Variants in EBPL observed in about 807,000 individuals in gnomAD.
EBPL encodes the protein EBP like, also known as emopamil-binding protein-like.
A neutral mutation model predicts 19.0 loss-of-function variants in EBPL; 20 were observed. That is an observed-to-expected ratio of 1.05 (90% CI 0.74 to 1.53). EBPL has a LOEUF of 1.53. Among genes scored for constraint, EBPL ranks in the 40% most tolerant of loss-of-function variants. The pLI is 0.00. For missense variants in EBPL, 219 were observed against 261.1 expected (o/e 0.84, Z 1.11); for synonymous variants, 107 against 117.0 (o/e 0.91, Z 0.55).
intron 1 of EBPL, among the ~76,000 whole-genome samples, chr13:49,680,926 T>C (rs1953936147): frequency 6.6e-6 from 1 of 152,164 alleles, no homozygotes; most frequent in Non-Finnish European, 1.5e-5. Context: ...AAAGCCTCTC[T>C]CCCTCCTGAC....
At chr13:49,680,803 AGAGC>A (rs1953934186) in intron 1 of EBPL, among the ~76,000 whole-genome samples, 1 of 151,292 alleles carries the variant, frequency 6.6e-6, no homozygotes, top group Non-Finnish European at 1.5e-5. Context: ...GCCTGGTGAC[AGAGC>A]GAGATTCCGT....
At chr13:49,662,316 C>T (rs1212615188) in intron 3 of EBPL, among the ~76,000 whole-genome samples, 1 of 152,152 alleles carries the variant, frequency 6.6e-6, no homozygotes, top group Non-Finnish European at 1.5e-5. Flanking sequence ...CCGCCTGCCC[C>T]ATATCCTTCA....
chr13:49,669,989 A>G (rs1206746141), intron 1 of EBPL, 143 bp from the exon 2 acceptor site: 13 of 656,304 alleles, frequency 2.0e-5, no homozygotes, highest in Non-Finnish European at 3.5e-5. Context: ...CATCCATACA[A>G]CCTTGTGGGA....
chr13:49,669,842 C>A lies in EBPL; in HGVS notation c.176G>T (p.Gly59Val). The change falls in exon 2 of 4, where the codon GGC becomes GTC. Residue 59 changes from glycine to valine, a missense_variant. Physicochemically the swap from Gly to Val is moderately radical, Grantham distance 109. Transcript: ENST00000242827. ...TACTAAAGACAAGTAGACAAAAGGG[C>A]CTTCCTAGAGAGGAGAAAATGAAGA... ...YDALVHFALE[G>V]PFVYLSLVGN... 6.2e-7 allele frequency: 1 copy of A among 1,613,222 alleles called. No individual in the cohort carries two copies. The highest frequency in any genetic ancestry group is 1.1e-5 in the South Asian group (1 of 91,062).
chr13:49,678,519 G>A (rs183603384), intron 1 of EBPL, among the ~76,000 whole-genome samples: 187 of 152,338 alleles, frequency 1.2e-3, no homozygotes, highest in Middle Eastern at 3.4e-3. Context: ...CAGTGATGGG[G>A]AACCCAGCTC....
chr13:49,681,937 A>C (rs1953947306), intron 1 of EBPL, among the ~76,000 whole-genome samples: 1 of 152,210 alleles, frequency 6.6e-6, no homozygotes, highest in Non-Finnish European at 1.5e-5. Flanking sequence ...TCCTGTCAAC[A>C]TTTATTAGCA....
At chr13:49,691,127 C>G (rs903371388) in intron 1 of EBPL, 127 bp downstream of exon 1, 1 of 915,030 alleles carries the variant, frequency 1.1e-6, no homozygotes, top group African/African-American at 1.7e-5. Context: ...AGCTAACAGA[C>G]TTCCTGCAGC....
chr13:49,660,833 T>C lies in EBPL; in HGVS notation c.*135A>G, dbSNP rs997808228. On this transcript the variant is annotated 3_prime_UTR_variant, in exon 4 of 4. Transcript: ENST00000242827. Reference sequence around the variant, plus strand: ...CGAAAACTGGTCGCCTTAAAACCAATTTGAAACAGGTTGTTCAGGAGCAAC... The same window carrying C: ...CGAAAACTGGTCGCCTTAAAACCAACTTGAAACAGGTTGTTCAGGAGCAAC... 1 of 778,476 alleles carries C rather than the reference T, an allele frequency of 1.3e-6. No homozygotes were observed. Among genetic ancestry groups the C allele is most frequent in the East Asian group, 2.6e-5 (1 of 38,332 alleles). 48.2% of individuals were successfully genotyped at this position (778,476 alleles called of 1,614,324 possible).
chr13:49,687,840 G>A lies in EBPL; in HGVS notation c.171+3414C>T, dbSNP rs376541828. Among the ~76,000 whole-genome samples, 6 of 152,256 alleles carry A rather than the reference G, an allele frequency of 3.9e-5. No homozygotes were observed. The East Asian group carries it at 7.7e-4, about 20-fold the overall frequency. ...TAACTTCTAAGTTGGGTAAAATCTCGGACGCTAGAGTTTCTGACTTAACAC... is the reference window on the plus strand; with the variant it reads ...TAACTTCTAAGTTGGGTAAAATCTCAGACGCTAGAGTTTCTGACTTAACAC... On this transcript the variant is annotated intron_variant, in intron 1 of 3. Coordinates refer to ENST00000242827, the MANE Select transcript of EBPL (RefSeq NM_032565.5).
chr13:49,691,318 T>G lies in EBPL; in HGVS notation c.107A>C (p.Gln36Pro). ...CALGLRLGRG[Q>P]GAADRGALIW... ...GAGCGCCCCGCGGTCCGCCGCCCCCTGCCCGCGGCCCAGGCGCAGGCCCAG... is the reference window on the plus strand; with the variant it reads ...GAGCGCCCCGCGGTCCGCCGCCCCCGGCCCGCGGCCCAGGCGCAGGCCCAG... The change falls in exon 1 of 4, where the codon CAG becomes CCG. Residue 36 changes from glutamine (Q) to proline (P), a missense_variant. Gln to Pro is a moderately conservative substitution (Grantham distance 76). Transcript: ENST00000242827. 1 of 1,363,842 alleles carries G rather than the reference T, an allele frequency of 7.3e-7. No individual in the cohort carries two copies. Among genetic ancestry groups the G allele is most frequent in the Non-Finnish European group, 9.5e-7 (1 of 1,054,590 alleles). 84.5% of individuals were successfully genotyped at this position (1,363,842 alleles called of 1,614,324 possible).
intron 2 of EBPL, among the ~76,000 whole-genome samples, chr13:49,667,071 G>T (rs1046448688): frequency 6.6e-6 from 1 of 152,084 alleles, no homozygotes; most frequent in African/African-American, 2.4e-5. Context: ...AGCTGATGGT[G>T]GGGGAAGGTT....
chr13:49,672,854 T>C (rs1221891390), intron 1 of EBPL, among the ~76,000 whole-genome samples: 2 of 151,968 alleles, frequency 1.3e-5, no homozygotes, highest in Non-Finnish European at 2.9e-5. Flanking sequence ...GGTCAGGAGT[T>C]TGAGACCAGC....
At chr13:49,682,658 G>A (rs775922245) in intron 1 of EBPL, among the ~76,000 whole-genome samples, 1 of 152,206 alleles carries the variant, frequency 6.6e-6, no homozygotes, top group Non-Finnish European at 1.5e-5. Context: ...GAAGCACTAC[G>A]CTAAGTTATA....
At chr13:49,675,911 G>A (rs7325692) in intron 1 of EBPL, among the ~76,000 whole-genome samples, 95,397 of 150,996 alleles carry the variant, frequency 0.63, 31,866 homozygotes, top group East Asian at 0.77. Flanking sequence ...CATCCTAACG[G>A]GTGTGAAGGA....
At chr13:49,673,318 C>T (rs1427166313) in intron 1 of EBPL, among the ~76,000 whole-genome samples, 1 of 152,160 alleles carries the variant, frequency 6.6e-6, no homozygotes. Flanking sequence ...AAAAACTTAT[C>T]ATCTTTATAC....
At chr13:49,669,731 T>A in intron 2 of EBPL, 46 bp downstream of exon 2, 1 of 1,553,000 alleles carries the variant, frequency 6.4e-7, no homozygotes, top group Non-Finnish European at 8.9e-7. Flanking sequence ...ACACTTGCAA[T>A]AAACCTCCTC....
chr13:49,672,835 G>A (rs866648704), intron 1 of EBPL, among the ~76,000 whole-genome samples: 12 of 152,264 alleles, frequency 7.9e-5, no homozygotes, highest in Middle Eastern at 3.4e-3. Flanking sequence ...CTGGGCGGGC[G>A]AATCACGAGG....
At chr13:49,685,523 G>A (rs1319130401) in intron 1 of EBPL, among the ~76,000 whole-genome samples, 8 of 152,052 alleles carry the variant, frequency 5.3e-5, no homozygotes, top group Non-Finnish European at 1.2e-4. Flanking sequence ...CAAGATCTAC[G>A]CCCCAGAATC....
At chr13:49,661,985 T>A (rs958271602) in intron 3 of EBPL, 1 of 1,438,828 alleles carries the variant, frequency 7.0e-7, no homozygotes, top group Non-Finnish European at 9.5e-7. Flanking sequence ...TCTGATAGGA[T>A]GGATAATTTT....
Sources: allele counts gnomAD v4.1 joint callset (sites outside exome capture counted in the v4.1 genomes callset), GRCh38; gene constraint gnomAD v4.1.1; transcripts MANE v1.5; gene names NCBI Gene and HGNC (gene_info 2026-07-23, HGNC 2026-07-21).